GPR149: variants seen among roughly 807,000 people sequenced by gnomAD.
The protein encoded by GPR149 is G protein-coupled receptor 149.
GPR149 carries 50 observed loss-of-function variants against 50.2 expected under a neutral mutation model. The observed-to-expected ratio is 1.00, with a 90% CI of 0.79 to 1.26. The LOEUF is 1.26. GPR149 is among the 50% of genes most tolerant of loss of function. The pLI, the probability that GPR149 is intolerant of heterozygous loss-of-function variation, is 0.00. For missense variants in GPR149, 983 were observed against 895.4 expected (o/e 1.10, Z -1.25); for synonymous variants, 405 against 358.2 (o/e 1.13, Z -1.48).
intron 2 of GPR149, among the ~76,000 whole-genome samples, chr3:154,424,606 C>T (rs1712242803): frequency 2.0e-5 from 3 of 151,668 alleles, no homozygotes; most frequent in African/African-American, 4.8e-5. Flanking sequence ...AGATCTTTCA[C>T]TGATTAATAA....
chr3:154,365,332 G>A (rs759246598), intron 3 of GPR149, among the ~76,000 whole-genome samples: 10 of 152,044 alleles, frequency 6.6e-5, no homozygotes, highest in Non-Finnish European at 1.3e-4. Context: ...GGTATTCTTG[G>A]CCTGTGATGG....
intron 3 of GPR149, chr3:154,354,720 C>T: frequency 3.3e-6 from 2 of 614,614 alleles, no homozygotes; most frequent in Non-Finnish European, 5.1e-6. Flanking sequence ...ATACCTTTTG[C>T]CTGTCCTTCT....
intron 3 of GPR149, among the ~76,000 whole-genome samples, chr3:154,382,739 C>A (rs1714957135): frequency 6.6e-6 from 1 of 152,106 alleles, no homozygotes; most frequent in Non-Finnish European, 1.5e-5. Context: ...AAGAAGAATA[C>A]ATTCTTAATC....
At chr3:154,354,684 A>T (rs745558770) in intron 3 of GPR149, 2 of 348,960 alleles carry the variant, frequency 5.7e-6, no homozygotes, top group Non-Finnish European at 1.0e-5. Context: ...CTCAGCAAAG[A>T]GTATAGTACA....
At chr3:154,416,443 C>A (rs10513457) in intron 3 of GPR149, among the ~76,000 whole-genome samples, 39,842 of 151,530 alleles carry the variant, frequency 0.26, 5,505 homozygotes, top group Non-Finnish European at 0.3. Context: ...ATAAGATACC[C>A]ATTTGACTCG....
chr3:154,340,082 G>A (rs1419598433), intron 3 of GPR149, among the ~76,000 whole-genome samples: 1 of 151,942 alleles, frequency 6.6e-6, no homozygotes, highest in Non-Finnish European at 1.5e-5. Flanking sequence ...ATGAGCCACC[G>A]TGCCCGGCCC....
intron 3 of GPR149, among the ~76,000 whole-genome samples, chr3:154,404,054 G>A (rs561554371): frequency 2.6e-5 from 4 of 152,224 alleles, no homozygotes; most frequent in African/African-American, 7.2e-5. Flanking sequence ...GTAACCAAGA[G>A]TGTCATTGCT....
At chr3:154,374,006 A>G (rs755549497) in intron 3 of GPR149, among the ~76,000 whole-genome samples, 26 of 152,124 alleles carry the variant, frequency 1.7e-4, no homozygotes, top group Non-Finnish European at 2.5e-4. Flanking sequence ...AACAAACAAA[A>G]CAACAAAAAC....
At chr3:154,422,410 G>A (rs1712173032) in intron 2 of GPR149, among the ~76,000 whole-genome samples, 1 of 151,522 alleles carries the variant, frequency 6.6e-6, no homozygotes, top group South Asian at 2.1e-4. Context: ...ATAATTTAAT[G>A]TTTTTGCTTT....
At chr3:154,396,430 T>C (rs1193268017) in intron 3 of GPR149, among the ~76,000 whole-genome samples, 6 of 152,180 alleles carry the variant, frequency 3.9e-5, no homozygotes, top group Non-Finnish European at 7.4e-5. Context: ...TGTTTCTGTC[T>C]GTAGTTAGAT....
Position 154,336,725 on chromosome 3 carries a change from A to T in GPR149, c.*974T>A, listed in dbSNP as rs1353976192. 1 of 152,100 alleles carries T rather than the reference A, an allele frequency of 6.6e-6. No individual in the cohort carries two copies. Among genetic ancestry groups the T allele is most frequent in the Non-Finnish European group, 1.5e-5 (1 of 67,968 alleles). 9.4% of individuals were successfully genotyped at this position (152,100 alleles called of 1,614,324 possible). ...CAGCTAAACTTGATATAATATTTGA[A>T]GTAAACTTTTCTATTTCAAGAATGA... On this transcript the variant is annotated 3_prime_UTR_variant, in exon 4 of 4. Coordinates refer to ENST00000389740, the MANE Select transcript of GPR149 (RefSeq NM_001038705.3).
intron 3 of GPR149, among the ~76,000 whole-genome samples, chr3:154,344,501 C>T (rs921833348): frequency 6.6e-6 from 1 of 151,968 alleles, no homozygotes; most frequent in Non-Finnish European, 1.5e-5. Flanking sequence ...AATTCGTGTC[C>T]CCCTGTAAAC....
intron 3 of GPR149, among the ~76,000 whole-genome samples, chr3:154,344,502 C>T (rs953216500): frequency 4.6e-5 from 7 of 152,062 alleles, no homozygotes; most frequent in Non-Finnish European, 7.3e-5. Flanking sequence ...ATTCGTGTCC[C>T]CCTGTAAACT....
At chr3:154,360,762 C>T (rs1480024443) in intron 3 of GPR149, among the ~76,000 whole-genome samples, 1 of 152,146 alleles carries the variant, frequency 6.6e-6, no homozygotes, top group African/African-American at 2.4e-5. Flanking sequence ...GCATAGAGAC[C>T]TATAGTAATT....
chr3:154,417,020 T>G (rs536640997), intron 3 of GPR149, among the ~76,000 whole-genome samples: 1 of 152,000 alleles, frequency 6.6e-6, no homozygotes, highest in African/African-American at 2.4e-5. Context: ...AACTTGGTAT[T>G]AAAAGAGAAA....
At chr3:154,378,404 A>AT (rs1714844447) in intron 3 of GPR149, among the ~76,000 whole-genome samples, 1 of 152,078 alleles carries the variant, frequency 6.6e-6, no homozygotes, top group African/African-American at 2.4e-5. Flanking sequence ...TATATAACAC[A>AT]TTTTTAATCC....
At chr3:154,391,302 G>A (rs988359408) in intron 3 of GPR149, among the ~76,000 whole-genome samples, 15 of 151,508 alleles carry the variant, frequency 9.9e-5, no homozygotes, top group African/African-American at 3.1e-4. Flanking sequence ...AGAACATAAC[G>A]TGTGTGGGGG....
intron 3 of GPR149, chr3:154,354,186 C>T: frequency 2.0e-6 from 1 of 494,766 alleles, no homozygotes; most frequent in Admixed American, 3.0e-5. Flanking sequence ...ACAACATTTT[C>T]TCTTGTTTTT....
At chr3:154,395,121 T>C (rs921205853) in intron 3 of GPR149, among the ~76,000 whole-genome samples, 6 of 152,076 alleles carry the variant, frequency 3.9e-5, no homozygotes, top group Non-Finnish European at 1.5e-5. Flanking sequence ...GAAAGAATAG[T>C]GAGTGCTGGG....
Sources: gnomAD v4.1 joint callset for allele counts (sites outside exome capture counted in the v4.1 genomes callset) on GRCh38, gnomAD v4.1.1 for gene constraint, MANE v1.5 for transcripts, NCBI Gene and HGNC (gene_info 2026-07-23, HGNC 2026-07-21) for gene names.